The following MKI67 variants were observed in gnomAD, a reference collection of about 807,000 sequenced individuals.
MKI67 encodes the protein proliferation marker protein Ki-67.
In MKI67, 152 loss-of-function variants were observed where a neutral mutation model predicts 233.5. That is an observed-to-expected ratio of 0.65 (90% CI 0.57 to 0.74). MKI67 has a LOEUF of 0.74. Among genes scored for constraint, MKI67 ranks in the 30% least tolerant of loss-of-function variants. MKI67 has a pLI of 0.00. For missense variants in MKI67, 3,940 were observed against 3,885.2 expected (o/e 1.01, Z -0.37); for synonymous variants, 1,465 against 1,418.5 (o/e 1.03, Z -0.74).
Position 128,106,433 on chromosome 10 carries a change from C to T in MKI67, c.5407G>A (p.Val1803Met). The change falls in exon 13 of 15, where the codon GTG (valine) becomes ATG (methionine). Residue 1803 changes from valine to methionine, a missense_variant. Coordinates refer to ENST00000368654, the MANE Select transcript of MKI67 (RefSeq NM_002417.5). The part of the protein sequence containing the change: ...KDINTFLGTP[V>M]QKLDQPGNLP... ...TTTCCTGGCTGGTCCAGTTTCTGCA[C>T]TGGAGTTCCCAAAAACGTGTTGATG... 28 of 1,613,648 alleles carry T rather than the reference C, an allele frequency of 1.7e-5. No homozygotes were observed. The highest frequency in any genetic ancestry group is 2.4e-5 in the Non-Finnish European group (28 of 1,179,952).
intron 4 of MKI67, among the ~76,000 whole-genome samples, chr10:128,119,927 A>G (rs2136149526): frequency 6.6e-6 from 1 of 152,340 alleles, no homozygotes; most frequent in Non-Finnish European, 1.5e-5. Flanking sequence ...CTCAGTGATC[A>G]AGTCATAGAA....
At chr10:128,123,234 C>T in intron 2 of MKI67, 65 bp from the exon 3 acceptor site, 1 of 1,055,254 alleles carries the variant, frequency 9.5e-7, no homozygotes, top group Non-Finnish European at 1.5e-6. Flanking sequence ...CTCAATTTCC[C>T]AAAATAAAAC....
In MKI67 at chr10:128,103,753, A is replaced by T. The variant is rs759093482; in HGVS notation, c.8087T>A (p.Leu2696Gln). Reference sequence around the variant, plus strand: ...TATTTTAGTGGCTTTGCCAGCAGTCAGTGATTCCTGAGTGTGACCTGATGT... The same window carrying T: ...TATTTTAGTGGCTTTGCCAGCAGTCTGTGATTCCTGAGTGTGACCTGATGT... ...SETSGHTQES[L>Q]TAGKATKIPC... Residue 2696 changes from leucine to glutamine, a missense_variant, in exon 13 of 15, where the codon CTG becomes CAG. Coordinates refer to ENST00000368654, the MANE Select transcript of MKI67 (RefSeq NM_002417.5). The T allele has an allele frequency of 1.2e-6, 2 of 1,613,500 alleles. No individual in the cohort carries two copies. Among genetic ancestry groups the T allele is most frequent in the African/African-American group, 2.7e-5 (2 of 74,720 alleles).
Position 128,107,491 on chromosome 10 carries a change from C to T in MKI67, c.4349G>A (p.Gly1450Asp). Residue 1450 changes from glycine (G) to aspartate (D), a missense_variant, in exon 13 of 15, where the codon GGT becomes GAT. By Grantham distance (94) the Gly-to-Asp change is moderately conservative (BLOSUM62 -1). Coordinates refer to ENST00000368654, the MANE Select transcript of MKI67 (RefSeq NM_002417.5). The stretch of plus-strand genomic sequence containing the variant: ...CTTAGTTTTTGGGTGCCTCTTGCTA[C>T]CAGTTACACTTGCTGCTGGGTCCAG... Reference protein sequence around the residue: ...QKLDPAASVTGSKRHPKTKEK... With the variant: ...QKLDPAASVTDSKRHPKTKEK... The T allele has an allele frequency of 1.2e-6, 2 of 1,614,070 alleles. No individual in the cohort carries two copies. Among genetic ancestry groups the T allele is most frequent in the Non-Finnish European group, 1.7e-6 (2 of 1,180,026 alleles).
In MKI67 at chr10:128,104,752, T is replaced by C. The variant is rs7071768; in HGVS notation, c.7088A>G (p.Asn2363Ser). ...TTCCTCTACGTCTGCTTTCCTGAGG[T>C]TTCTCTTGGGCCGTTGCTTTGTGCT... ...PASTKQRPKR[N>S]LRKADVEEEF... Residue 2363 changes from asparagine to serine, a missense_variant, in exon 13 of 15, where the codon AAC (asparagine) becomes AGC (serine). Transcript: ENST00000368654. 822,080 of 1,611,728 alleles carry C rather than the reference T, an allele frequency of 0.51. 210,566 individuals are homozygous for C. Among genetic ancestry groups the C allele is most frequent in the Admixed American group, 0.59 (35,079 of 59,776 alleles).
At chr10:128,117,436 C>T (rs1402210340) in intron 5 of MKI67, among the ~76,000 whole-genome samples, 1 of 152,240 alleles carries the variant, frequency 6.6e-6, no homozygotes, top group East Asian at 1.9e-4. Context: ...GCGCAGCGCC[C>T]CCACCTGGCT....
Position 128,104,975 on chromosome 10 carries a change from T to G in MKI67, c.6865A>C (p.Lys2289Gln). 1 of 1,613,854 alleles carries G rather than the reference T, an allele frequency of 6.2e-7. No homozygotes were observed. The highest frequency in any genetic ancestry group is 8.5e-7 in the Non-Finnish European group (1 of 1,179,998). The change falls in exon 13 of 15, where the codon AAA (lysine) becomes CAA (glutamine). Residue 2289 changes from lysine (K) to glutamine (Q), a missense_variant. Lys to Gln is a moderately conservative substitution (Grantham distance 53). Coordinates refer to ENST00000368654, the MANE Select transcript of MKI67 (RefSeq NM_002417.5). ...GGTAAATTTCCTGGCAGGTCCAATT[T>G]CTGCACTGGAGTTCCCATAAATGCT... ...MKAFMGTPVQ[K>Q]LDLPGNLPGS...
intron 6 of MKI67, 24 bp from the exon 7 acceptor site, chr10:128,116,031 GA>G (rs748528796): frequency 2.2e-5 from 34 of 1,538,782 alleles, no homozygotes; most frequent in Non-Finnish European, 2.9e-5. Flanking sequence ...TATGAAATAA[GA>G]AACAGAAGTT....
rs377147252 is a variant in MKI67 at position 128,115,783 on chromosome 10, C to T, written c.625G>A (p.Val209Ile). The change falls in exon 7 of 15, where the codon GTT becomes ATT. Residue 209 changes from valine (V) to isoleucine (I), a missense_variant. Physicochemically the swap from Val to Ile is conservative, Grantham distance 29. Coordinates refer to ENST00000368654, the MANE Select transcript of MKI67 (RefSeq NM_002417.5). Reference protein sequence around the residue: ...ISGDFKEISSVKLVSRYGELK... With the variant: ...ISGDFKEISSIKLVSRYGELK... ...TCTCCATAACGGCTCACTAATTTAA[C>T]GCTGGAAATTTCTTTAAAATCCCCA... 27 of 1,612,444 alleles carry T rather than the reference C, an allele frequency of 1.7e-5. No individual in the cohort carries two copies. The highest frequency in any genetic ancestry group is 1.2e-4 in the African/African-American group (9 of 74,922).
Position 128,122,864 on chromosome 10 carries a change from A to G in MKI67, c.287+17T>C, listed in dbSNP as rs1441840896. On this transcript the variant is annotated intron_variant, in intron 4 of 14. Transcript: ENST00000368654. ...AGAAGATGACATTTACTGTTAGACC[A>G]ATCAGCTTTTACCTACCTGAAGGAA... 7.8e-7 allele frequency: 1 copy of G among 1,290,064 alleles called. No individual in the cohort carries two copies. The highest frequency in any genetic ancestry group is 1.1e-6 in the Non-Finnish European group (1 of 909,620). The allele number at this position is 1,290,064 out of a possible 1,614,324, so 79.9% of individuals were successfully genotyped here.
In MKI67 at chr10:128,115,848, T is replaced by C. The variant is rs986268230; in HGVS notation, c.560A>G (p.His187Arg). ...QGTTNVHSSE[H>R]AGRNGRNAAD... The stretch of plus-strand genomic sequence containing the variant: ...TGCATTTCTGCCATTACGTCCAGCA[T>C]GTTCTGAGGAATGAACATTAGTTGT... Residue 187 changes from histidine to arginine, a missense_variant, in exon 7 of 15, where the codon CAT (histidine) becomes CGT (arginine). His to Arg is a conservative substitution (Grantham distance 29). Transcript: ENST00000368654. 1.2e-6 allele frequency: 2 copies of C among 1,608,760 alleles called. No individual in the cohort carries two copies. The highest frequency in any genetic ancestry group is 3.3e-5 in the Admixed American group (2 of 60,008).
intron 14 of MKI67, among the ~76,000 whole-genome samples, chr10:128,100,626 T>C (rs3781305): frequency 0.44 from 66,221 of 152,070 alleles, 14,509 homozygotes; most frequent in Admixed American, 0.5. Flanking sequence ...AGAAGAACAC[T>C]AATGGAATCT....
rs1852722755 is a variant in MKI67 at position 128,113,337 on chromosome 10, A to C, written c.1656+90T>G. ...TAATAAATAAATAAAGGTCTTCATC[A>C]TAATTCTACTTGTGTCAGTATTTGG... On this transcript the variant is annotated intron_variant, in intron 8 of 14. Coordinates refer to ENST00000368654, the MANE Select transcript of MKI67 (RefSeq NM_002417.5). The C allele has an allele frequency of 7.5e-6, 10 of 1,338,848 alleles. No homozygotes were observed. The South Asian group carries it at 1.3e-4, about 18-fold the overall frequency. 82.9% of individuals were successfully genotyped at this position (1,338,848 alleles called of 1,614,324 possible).
chr10:128,105,351 A>G lies in MKI67; in HGVS notation c.6489T>C (p.Thr2163=), dbSNP rs769216663. The change falls in exon 13 of 15, where the codon ACT becomes ACC. Residue 2163 remains threonine, a synonymous_variant. Coordinates refer to ENST00000368654, the MANE Select transcript of MKI67 (RefSeq NM_002417.5). ...EDKGINVFRE[T]AKQKLDPAAS... is the part of the protein sequence containing the mutation. ...CTGCTGGGTCCAGTTTCTGTTTTGC[A>G]GTTTCCCTGAACACGTTGATGCCTT... The G allele has an allele frequency of 2.5e-6, 4 of 1,614,086 alleles. No homozygotes were observed. Among genetic ancestry groups the G allele is most frequent in the Non-Finnish European group, 8.5e-7 (1 of 1,180,026 alleles).
chr10:128,124,415 C>G (rs763765511), intron 2 of MKI67, among the ~76,000 whole-genome samples: 1 of 152,196 alleles, frequency 6.6e-6, no homozygotes, highest in Non-Finnish European at 1.5e-5. Context: ...ACCCTGACCT[C>G]TCCTCCGCGA....
chr10:128,107,307 G>A lies in MKI67; in HGVS notation c.4533C>T (p.Ser1511=), dbSNP rs1378565659. ...CGTCCACTTTCCTGAGACTTCTCTT[G>A]GACTGTGGCTTGGAGCTTGTTGGTG... ...VDTPTSSKPQ[S]KRSLRKVDVE... is the part of the protein sequence containing the mutation. Residue 1511 remains serine, a synonymous_variant, in exon 13 of 15, where the codon TCC becomes TCT. Coordinates refer to ENST00000368654, the MANE Select transcript of MKI67 (RefSeq NM_002417.5). 16 of 1,614,088 alleles carry A rather than the reference G, an allele frequency of 9.9e-6. No individual in the cohort carries two copies. Among genetic ancestry groups the A allele is most frequent in the Non-Finnish European group, 1.3e-5 (15 of 1,180,030 alleles).
In MKI67 at chr10:128,101,541, C is replaced by T. The variant is rs376034604; in HGVS notation, c.9422G>A (p.Arg3141Gln). 32 of 1,614,100 alleles carry T rather than the reference C, an allele frequency of 2.0e-5. No homozygotes were observed. The African/African-American group carries it at 2.9e-4, about 15-fold the overall frequency. Residue 3141 changes from arginine to glutamine, a missense_variant, in exon 14 of 15, where the codon CGG becomes CAG. Physicochemically the swap from Arg to Gln is conservative, Grantham distance 43. Transcript: ENST00000368654. ...GACTTTGTCTCTAGGTATGGGTTTC[C>T]GGGCTCCATCATCTGGATTCTGAAT... is the stretch of plus-strand genomic sequence containing the variant. The part of the protein sequence containing the change: ...MDIQNPDDGA[R>Q]KPIPRDKVTE...
rs748365462 is a variant in MKI67, at chr10:128,106,018, G to A, written c.5822C>T (p.Pro1941Leu). Residue 1941 changes from proline to leucine, a missense_variant, in exon 13 of 15, where the codon CCA (proline) becomes CTA (leucine). Coordinates refer to ENST00000368654, the MANE Select transcript of MKI67 (RefSeq NM_002417.5). ...CTTGGCCTTTTCTTTAGGAGTTTGT[G>A]GCCGTCTCTTGCTGCCAGGTAAATT... is the stretch of plus-strand genomic sequence containing the variant. ...LGNLPGSKRRPQTPKEKAKAL... is the reference protein window; with the variant it reads ...LGNLPGSKRRLQTPKEKAKAL... 4 of 1,613,996 alleles carry A rather than the reference G, an allele frequency of 2.5e-6. No individual in the cohort carries two copies. Among genetic ancestry groups the A allele is most frequent in the East Asian group, 2.2e-5 (1 of 44,860 alleles).
Position 128,104,300 on chromosome 10 carries a change from CTGTG to C in MKI67, c.7536_7539del (p.His2512GlnfsTer27). On this transcript the variant is annotated frameshift_variant, in exon 13 of 15. Transcript: ENST00000368654. LOFTEE classifies it high-confidence loss of function. ...ATGCTCTTACTATCTCCTGTTGGCT[CTGTG>C]TGTGTTTGCGTAGTCTCCCCTGATG... 6.2e-6 allele frequency: 10 copies of C among 1,614,144 alleles called. No individual in the cohort carries two copies. The highest frequency in any genetic ancestry group is 8.5e-6 in the Non-Finnish European group (10 of 1,180,032).
Sources: gnomAD v4.1 joint callset for allele counts (sites outside exome capture counted in the v4.1 genomes callset) on GRCh38, gnomAD v4.1.1 for gene constraint, MANE v1.5 for transcripts, NCBI Gene and HGNC (gene_info 2026-07-23, HGNC 2026-07-21) for gene names.